Variants in RDH10 observed in about 807,000 individuals in gnomAD.
RDH10 encodes retinol dehydrogenase 10.
Under a neutral mutation model 30.2 loss-of-function variants are expected in RDH10, and 12 were observed. The observed-to-expected ratio is 0.40, with a 90% CI of 0.25 to 0.64. RDH10 has a LOEUF of 0.64. Among genes scored for constraint, RDH10 ranks in the 30% least tolerant of loss-of-function variants. The pLI is 0.43. For synonymous variants in RDH10, 189 were observed against 172.2 expected (o/e 1.10, Z -0.76); for missense variants, 268 against 445.2 (o/e 0.60, Z 3.58).
intron 2 of RDH10, 191 bp downstream of exon 2, chr8:73,297,620 C>T: frequency 1.8e-6 from 1 of 544,488 alleles, no homozygotes; most frequent in East Asian, 3.1e-5. Flanking sequence ...CACCCCCCCG[C>T]CACCCCTAAC....
At position 73,321,928 on chromosome 8, in the gene RDH10, C is replaced by G. The variant is rs533376235; in HGVS notation, c.771-751C>G. ...CCTGGAAAATGGACTCTAGCTCTGC[C>G]TCTTATCCCACACATGTGTGTGTCT... On this transcript the variant is annotated intron_variant, in intron 4 of 5. Coordinates refer to ENST00000240285, the MANE Select transcript of RDH10 (RefSeq NM_172037.5). The G allele has an allele frequency of 2.1e-4, 98 of 456,226 alleles. 2 individuals are homozygous for G. Among genetic ancestry groups the G allele is most frequent in the African/African-American group, 1.7e-3 (85 of 50,180 alleles). The allele number at this position is 456,226 out of a possible 1,614,324, so 28.3% of individuals were successfully genotyped here.
intron 2 of RDH10, among the ~76,000 whole-genome samples, chr8:73,300,038 T>C (rs1814347856): frequency 6.6e-6 from 1 of 152,218 alleles, no homozygotes; most frequent in South Asian, 2.1e-4. Flanking sequence ...CTTTGAGATG[T>C]TGCTTAACCA....
intron 2 of RDH10, 103 bp downstream of exon 2, chr8:73,297,532 C>A: frequency 1.3e-6 from 1 of 787,738 alleles, no homozygotes; most frequent in Non-Finnish European, 2.2e-6. Context: ...TGTACTCTTT[C>A]GCCACAAGGT....
intron 2 of RDH10, chr8:73,312,398 A>G (rs903806244): frequency 2.6e-5 from 4 of 152,256 alleles, no homozygotes; most frequent in African/African-American, 7.2e-5. Context: ...ATCAGCAGTT[A>G]GTACTTAACA....
chr8:73,297,510 C>T, intron 2 of RDH10, 81 bp downstream of exon 2: 1 of 978,790 alleles, frequency 1.0e-6, no homozygotes, highest in Non-Finnish European at 1.6e-6. Context: ...CAGTGCCAGC[C>T]TGAAAGCAAC....
chr8:73,308,804 G>C (rs2044200421), intron 2 of RDH10, among the ~76,000 whole-genome samples: 1 of 152,166 alleles, frequency 6.6e-6, no homozygotes, highest in Non-Finnish European at 1.5e-5. Context: ...ACTGGGAACA[G>C]AAAGAGGATC....
At chr8:73,298,355 T>C (rs1814315468) in intron 2 of RDH10, among the ~76,000 whole-genome samples, 1 of 152,214 alleles carries the variant, frequency 6.6e-6, no homozygotes, top group Non-Finnish European at 1.5e-5. Context: ...AAGAACTGTT[T>C]CTCCTAAATA....
intron 2 of RDH10, among the ~76,000 whole-genome samples, chr8:73,305,168 G>T (rs1814445805): frequency 6.6e-6 from 1 of 152,100 alleles, no homozygotes; most frequent in Admixed American, 6.5e-5. Flanking sequence ...TGCAGGATTG[G>T]GTCACTACAA....
chr8:73,300,874 T>A (rs1343273525), intron 2 of RDH10, among the ~76,000 whole-genome samples: 1 of 152,218 alleles, frequency 6.6e-6, no homozygotes, highest in African/African-American at 2.4e-5. Flanking sequence ...TTCAACCCTT[T>A]GTTTTCCAGT....
rs2130384980 is a variant in RDH10, at chr8:73,323,279, A to C, written c.*243A>C. On this transcript the variant is annotated 3_prime_UTR_variant, in exon 6 of 6. Transcript: ENST00000240285. ...TAGGCAGAACCCAGAAACCAGTCAA[A>C]TCTGTAGAGAAGCAGTGTGACATCT... 2.7e-6 allele frequency: 1 copy of C among 369,852 alleles called. No homozygotes were observed. The highest frequency in any genetic ancestry group is 8.7e-4 in the Middle Eastern group (1 of 1,148). The allele number at this position is 369,852 out of a possible 1,614,324, so 22.9% of individuals were successfully genotyped here. A position where few individuals can be genotyped will look rare whatever the true frequency, so the allele number is the denominator to read the frequency against.
intron 2 of RDH10, chr8:73,312,170 C>G (rs1814575698): frequency 6.6e-6 from 1 of 152,130 alleles, no homozygotes; most frequent in African/African-American, 2.4e-5. Context: ...ATGATGTATC[C>G]TATTAACTTT....
chr8:73,322,495 C>T (rs898290167), intron 4 of RDH10, 184 bp from the exon 5 acceptor site: 1 of 560,702 alleles, frequency 1.8e-6, no homozygotes, highest in South Asian at 2.7e-5. Flanking sequence ...GTTCTCCAGA[C>T]TGTGCCAATA....
In RDH10 at chr8:73,324,790, C is replaced by G. The variant is rs1362098332; in HGVS notation, c.*1754C>G. 1 of 152,196 alleles carries G rather than the reference C, an allele frequency of 6.6e-6. No individual in the cohort carries two copies. The highest frequency in any genetic ancestry group is 1.9e-4 in the East Asian group (1 of 5,202). 9.4% of individuals were successfully genotyped at this position (152,196 alleles called of 1,614,324 possible). On this transcript the variant is annotated 3_prime_UTR_variant, in exon 6 of 6. Transcript: ENST00000240285. ...TTGTACCAAAAGTGGGGAAACAATG[C>G]CATGACCTGTGTTTTAGTTTGGCTG...
intron 2 of RDH10, among the ~76,000 whole-genome samples, chr8:73,302,710 C>T (rs1266095247): frequency 6.6e-6 from 1 of 152,156 alleles, no homozygotes; most frequent in Non-Finnish European, 1.5e-5. Flanking sequence ...AAAAATATCT[C>T]TCTGTATTCT....
In RDH10 at chr8:73,299,225, A is replaced by C. The variant is rs987979488; in HGVS notation, c.525+1796A>C. On this transcript the variant is annotated intron_variant, in intron 2 of 5. Coordinates refer to ENST00000240285, the MANE Select transcript of RDH10 (RefSeq NM_172037.5). ...GAAATCACCAAATACAGTTTGGGCA[A>C]CTTCAGCTTGCCTGTAGGTGTGTGT... is the stretch of plus-strand genomic sequence containing the variant. Among the ~76,000 whole-genome samples the C allele has an allele frequency of 2.0e-5, 3 of 152,230 alleles. 1 individual carries two copies. The highest frequency in any genetic ancestry group is 2.0e-4 in the Admixed American group (3 of 15,288).
intron 2 of RDH10, among the ~76,000 whole-genome samples, chr8:73,301,621 T>C (rs1445995328): frequency 7.4e-6 from 1 of 135,810 alleles, no homozygotes; most frequent in Non-Finnish European, 1.6e-5. Flanking sequence ...GTAGCCGTGG[T>C]GGTGCTAGCC....
chr8:73,295,850 G>C, intron 1 of RDH10: 1 of 1,252,904 alleles, frequency 8.0e-7, no homozygotes, highest in African/African-American at 1.6e-5. Context: ...AGCCCTCCGG[G>C]GTAGGGAAGG....
chr8:73,309,171 C>G (rs7837090), intron 2 of RDH10, among the ~76,000 whole-genome samples: 28,424 of 151,932 alleles, frequency 0.19, 2,657 homozygotes, highest in East Asian at 0.21. Flanking sequence ...CCACTCTGAT[C>G]TAGGTTTATT....
chr8:73,319,657 T>A, intron 3 of RDH10, among the ~76,000 whole-genome samples: 1 of 152,234 alleles, frequency 6.6e-6, no homozygotes, highest in East Asian at 1.9e-4. Flanking sequence ...CATTAGCAGC[T>A]TCACTTGACG....
Sources: allele counts gnomAD v4.1 joint callset (sites outside exome capture counted in the v4.1 genomes callset), GRCh38; gene constraint gnomAD v4.1.1; transcripts MANE v1.5; gene names NCBI Gene and HGNC (gene_info 2026-07-23, HGNC 2026-07-21).